KRT82: variants seen among roughly 807,000 people sequenced by gnomAD.
KRT82 encodes keratin, type II cuticular Hb2.
A neutral mutation model predicts 48.0 loss-of-function variants in KRT82; 44 were observed. The ratio of observed to expected loss-of-function variants is 0.92; its 90% CI spans 0.72 to 1.18. The LOEUF is 1.18. Among genes scored for constraint, KRT82 ranks in the 50% most tolerant of loss-of-function variants. The probability of loss-of-function intolerance (pLI) is 0.00; values close to 1 mark genes in which losing one functional copy is unlikely to be tolerated. For synonymous variants in KRT82, 297 were observed against 278.3 expected (o/e 1.07, Z -0.67); for missense variants, 701 against 671.4 (o/e 1.04, Z -0.49).
At chr12:52,396,776 C>T (rs751861879) in intron 6 of KRT82, 107 bp downstream of exon 6, 24 of 1,286,070 alleles carry the variant, frequency 1.9e-5, no homozygotes, top group Non-Finnish European at 2.6e-5. Flanking sequence ...AAGTTTATTC[C>T]CTCTTCAATG....
intron 5 of KRT82, among the ~76,000 whole-genome samples, 173 bp downstream of exon 5, chr12:52,399,812 T>C (rs536084714): frequency 6.6e-6 from 1 of 152,266 alleles, no homozygotes; most frequent in Admixed American, 6.5e-5. Context: ...GGAAGTGGCC[T>C]GGGGCCTGGC....
rs1401410650 is a variant in KRT82, at chr12:52,400,575, T to C, written c.729A>G (p.Ala243=). 2 of 1,614,016 alleles carry C rather than the reference T, an allele frequency of 1.2e-6. No individual in the cohort carries two copies. Among genetic ancestry groups the C allele is most frequent in the African/African-American group, 2.7e-5 (2 of 74,936 alleles). The stretch of plus-strand genomic sequence containing the variant: ...AGTCGATCTCCTGCACGAGTGCCTC[T>C]GCGTTGGTCTCCAGGTCAGCCTTCA... ...FLMKADLETN[A]EALVQEIDFL... is the part of the protein sequence containing the mutation. Residue 243 remains alanine, a synonymous_variant, in exon 4 of 9, where the codon GCA becomes GCG. Transcript: ENST00000257974.
chr12:52,395,857 C>T, intron 7 of KRT82, 67 bp from the exon 8 acceptor site: 1 of 1,454,106 alleles, frequency 6.9e-7, no homozygotes, highest in South Asian at 1.3e-5. Flanking sequence ...GCAGCATCTC[C>T]CCGCTCCCGC....
At chr12:52,401,466 GC>G in intron 2 of KRT82, 117 bp from the exon 3 acceptor site, 3 of 951,642 alleles carry the variant, frequency 3.2e-6, no homozygotes, top group Non-Finnish European at 5.0e-6. Flanking sequence ...CCTGGGGAGT[GC>G]CCAGGTCCAG....
At position 52,396,055 on chromosome 12, in the gene KRT82, C is replaced by A. The variant is rs138955015; in HGVS notation, c.1246G>T (p.Glu416Ter). ...VMNSKLGLDI[E>*]IATYRRLLEG... ...AGCAGGCGCCTGTAGGTGGCGATCT[C>A]GATGTCCAGGCCCAGCTTGGAGTTC... Residue 416 changes from glutamate (E) to a stop codon, truncating the protein, a stop_gained, in exon 7 of 9, where the codon GAG becomes TAG. Coordinates refer to ENST00000257974, the MANE Select transcript of KRT82 (RefSeq NM_033033.4). LOFTEE classifies it high-confidence loss of function. 4 of 1,614,152 alleles carry A rather than the reference C, an allele frequency of 2.5e-6. No individual in the cohort carries two copies. Among genetic ancestry groups the A allele is most frequent in the Non-Finnish European group, 3.4e-6 (4 of 1,180,022 alleles).
Position 52,400,035 on chromosome 12 carries a change from C to G in KRT82, c.892G>C (p.Asp298His). Residue 298 changes from aspartate to histidine, a missense_variant, in exon 5 of 9, where the codon GAC (aspartate) becomes CAC (histidine). Physicochemically the swap from Asp to His is moderately conservative, Grantham distance 81. Transcript: ENST00000257974. ...TCGGCTTTGCTGCGGCTGGCGATGTCGTCATACTGCGCCTTGATCTCAGCG... is the reference window on the plus strand; with the variant it reads ...TCGGCTTTGCTGCGGCTGGCGATGTGGTCATACTGCGCCTTGATCTCAGCG... ...IIAEIKAQYD[D>H]IASRSKAEAE... 1 of 1,614,180 alleles carries G rather than the reference C, an allele frequency of 6.2e-7. No individual in the cohort carries two copies. Among genetic ancestry groups the G allele is most frequent in the Non-Finnish European group, 8.5e-7 (1 of 1,180,018 alleles).
At position 52,395,742 on chromosome 12, in the gene KRT82, AT is replaced by A. The variant is rs761372989; in HGVS notation, c.1321+16del. 2 of 1,556,646 alleles carry A rather than the reference AT, an allele frequency of 1.3e-6. No homozygotes were observed. Among genetic ancestry groups the A allele is most frequent in the Non-Finnish European group, 1.7e-6 (2 of 1,154,654 alleles). On this transcript the variant is annotated intron_variant, in intron 8 of 8. Coordinates refer to ENST00000257974, the MANE Select transcript of KRT82 (RefSeq NM_033033.4). ...CCCAAGACTCCAGAGCCAGTGGGGC[AT>A]GGCTCATCTACTTACAGATATTCAC...
Position 52,396,072 on chromosome 12 carries a change from T to A in KRT82, c.1229A>T (p.Lys410Met), listed in dbSNP as rs975640651. 74 of 1,614,076 alleles carry A rather than the reference T, an allele frequency of 4.6e-5. No individual in the cohort carries two copies. Among genetic ancestry groups the A allele is most frequent in the Non-Finnish European group, 6.0e-5 (71 of 1,180,040 alleles). The change falls in exon 7 of 9, where the codon AAG (lysine) becomes ATG (methionine). Residue 410 changes from lysine to methionine, a missense_variant. Coordinates refer to ENST00000257974, the MANE Select transcript of KRT82 (RefSeq NM_033033.4). ...LKEYQEVMNS[K>M]LGLDIEIATY... is the part of the protein sequence containing the mutation. ...GGCGATCTCGATGTCCAGGCCCAGCTTGGAGTTCATCACCTCCTGATATTC... is the reference window on the plus strand; with the variant it reads ...GGCGATCTCGATGTCCAGGCCCAGCATGGAGTTCATCACCTCCTGATATTC...
rs373372621 is a variant in KRT82 at position 52,403,829 on chromosome 12, G to A, written c.492C>T (p.Asn164=). ...TATAGCCCTCGAAGATGGGCTCGAT[G>A]TTGGTCTGGCAGCACCTCTGCTGCT... The part of the protein sequence containing the change: ...FMQQQRCCQT[N]IEPIFEGYIS... Residue 164 remains asparagine (N), a synonymous_variant, in exon 2 of 9, where the codon AAC becomes AAT. Transcript: ENST00000257974. 2.3e-5 allele frequency: 37 copies of A among 1,613,752 alleles called. No individual in the cohort carries two copies. The highest frequency in any genetic ancestry group is 1.3e-4 in the Admixed American group (8 of 60,010).
rs770012966 is a variant in KRT82 at position 52,405,864 on chromosome 12, T to C, written c.411+3A>G. On this transcript the variant is annotated splice_donor_region_variant and intron_variant, in intron 1 of 8. Transcript: ENST00000257974. Reference sequence around the variant, plus strand: ...TCACGGCCCTGGGCCACTGCCCCCTTACCTTGTTGATGAAAGATGCGAAAC... The same window carrying C: ...TCACGGCCCTGGGCCACTGCCCCCTCACCTTGTTGATGAAAGATGCGAAAC... 53 of 1,607,598 alleles carry C rather than the reference T, an allele frequency of 3.3e-5. No homozygotes were observed. In the Admixed American group the frequency reaches 8.0e-4, roughly 24 times the overall value.
At chr12:52,399,791 G>C (rs1451946341) in intron 5 of KRT82, among the ~76,000 whole-genome samples, 194 bp downstream of exon 5, 1 of 152,222 alleles carries the variant, frequency 6.6e-6, no homozygotes, top group South Asian at 2.1e-4. Context: ...TCCCTCCCAC[G>C]TGCTCTGCAG....
rs1231284901 is a variant in KRT82 at position 52,394,062 on chromosome 12, C to T, written c.*913G>A. On this transcript the variant is annotated 3_prime_UTR_variant, in exon 9 of 9. Coordinates refer to ENST00000257974, the MANE Select transcript of KRT82 (RefSeq NM_033033.4). Reference sequence around the variant, plus strand: ...GCTTCTGGGAGGTAGTCAGCCCACACCTCCTCCATCTATGAGCTCCTGAGC... The same window carrying T: ...GCTTCTGGGAGGTAGTCAGCCCACATCTCCTCCATCTATGAGCTCCTGAGC... 6.6e-6 allele frequency: 1 copy of T among 152,244 alleles called. No homozygotes were observed. Among genetic ancestry groups the T allele is most frequent in the African/African-American group, 2.4e-5 (1 of 41,454 alleles). The allele number at this position is 152,244 out of a possible 1,614,324, so 9.4% of individuals were successfully genotyped here.
chr12:52,394,734 C>T lies in KRT82; in HGVS notation c.*241G>A, dbSNP rs986158861. 16 of 581,508 alleles carry T rather than the reference C, an allele frequency of 2.8e-5. No individual in the cohort carries two copies. Among genetic ancestry groups the T allele is most frequent in the African/African-American group, 9.3e-5 (5 of 53,520 alleles). 36.0% of individuals were successfully genotyped at this position (581,508 alleles called of 1,614,324 possible). ...AGAGCAATGCATGCTCTTTCTCTGC[C>T]GTCTGTCCCCACCATCTGGGCCTAG... On this transcript the variant is annotated 3_prime_UTR_variant, in exon 9 of 9. Transcript: ENST00000257974.
intron 5 of KRT82, among the ~76,000 whole-genome samples, chr12:52,399,053 A>T (rs1019559910): frequency 3.3e-5 from 5 of 151,196 alleles, no homozygotes; most frequent in Admixed American, 3.3e-4. Flanking sequence ...CTGTCATCAA[A>T]CTCCCTTTAC....
At chr12:52,402,830 C>T (rs769207418) in intron 2 of KRT82, among the ~76,000 whole-genome samples, 13 of 152,178 alleles carry the variant, frequency 8.5e-5, no homozygotes, top group Non-Finnish European at 1.8e-4. Flanking sequence ...CCCTTATGAC[C>T]TGTTGCTCTC....
chr12:52,395,541 A>T (rs751837866), intron 8 of KRT82, among the ~76,000 whole-genome samples: 1 of 152,088 alleles, frequency 6.6e-6, no homozygotes, highest in Non-Finnish European at 1.5e-5. Flanking sequence ...CTGGGCCCTG[A>T]AGCACTTGGA....
At chr12:52,399,857 TG>T in intron 5 of KRT82, 127 bp downstream of exon 5, 1 of 939,146 alleles carries the variant, frequency 1.1e-6, no homozygotes, top group Non-Finnish European at 1.6e-6. Context: ...TGGGATTCCC[TG>T]TGTCTGTGGC....
At position 52,395,760 on chromosome 12, in the gene KRT82, G is replaced by C; in HGVS notation, c.1320C>G (p.Ile440Met). 2 of 1,556,610 alleles carry C rather than the reference G, an allele frequency of 1.3e-6. No homozygotes were observed. The highest frequency in any genetic ancestry group is 1.2e-5 in the South Asian group (1 of 80,884). ...GTGGGGCATGGCTCATCTACTTACA[G>C]ATATTCACGGGCCCGATGCCTTCGC... ...RLCEGIGPVN[I>M]SVSSSKGAFL... The change falls in exon 8 of 9, where the codon ATC becomes ATG. Residue 440 changes from isoleucine (I) to methionine (M), a missense_variant and splice_region_variant. Coordinates refer to ENST00000257974, the MANE Select transcript of KRT82 (RefSeq NM_033033.4).
rs138614517 is a variant in KRT82 at position 52,394,565 on chromosome 12, G to T, written c.*410C>A. 6.1e-5 allele frequency: 12 copies of T among 197,270 alleles called. No individual in the cohort carries two copies. The East Asian group carries it at 1.5e-3, about 25-fold the overall frequency. 12.2% of individuals were successfully genotyped at this position (197,270 alleles called of 1,614,324 possible). On this transcript the variant is annotated 3_prime_UTR_variant, in exon 9 of 9. Transcript: ENST00000257974. ...TAAAGGAAATTCACTTTTCTTAGGG[G>T]CATGAGAGCCTAAAGTAAGGGCAGT...
Sources: gnomAD v4.1 joint callset for allele counts (sites outside exome capture counted in the v4.1 genomes callset) on GRCh38, gnomAD v4.1.1 for gene constraint, MANE v1.5 for transcripts, NCBI Gene and HGNC (gene_info 2026-07-23, HGNC 2026-07-21) for gene names.